Variants in VPS13A observed in about 807,000 individuals in gnomAD.
VPS13A encodes vacuolar protein sorting 13 homolog A, also known as intermembrane lipid transfer protein VPS13A.
A neutral mutation model predicts 390.9 loss-of-function variants in VPS13A; 264 were observed. That is an observed-to-expected ratio of 0.68 (90% CI 0.61 to 0.75). The LOEUF (loss-of-function observed/expected upper bound fraction) is 0.75, where lower values mean the gene tolerates loss of function less well. Among genes scored for constraint, VPS13A ranks in the 30% least tolerant of loss-of-function variants. The pLI, the probability that VPS13A is intolerant of heterozygous loss-of-function variation, is 0.00. For missense variants in VPS13A, 3,409 were observed against 3,733.9 expected, an observed-to-expected ratio of 0.91 and a Z score of 2.27; for synonymous variants, 1,231 against 1,227.1, an observed-to-expected ratio of 1.00 and a Z score of -0.07.
chr9:77,352,900 T>A (rs1007016800), intron 53 of VPS13A, among the ~76,000 whole-genome samples: 4 of 152,112 alleles, frequency 2.6e-5, no homozygotes. Flanking sequence ...TCATTGACCC[T>A]CAAAACCCTG....
intron 31 of VPS13A, among the ~76,000 whole-genome samples, chr9:77,287,442 C>T (rs994033630): frequency 6.6e-6 from 1 of 152,014 alleles, no homozygotes; most frequent in Admixed American, 6.6e-5. Context: ...ATCTACCTGC[C>T]TCGGTCTCCC....
chr9:77,366,742 T>A lies in VPS13A; in HGVS notation c.8341T>A (p.Ser2781Thr), dbSNP rs750690310. 9.9e-6 allele frequency: 16 copies of A among 1,612,666 alleles called. No homozygotes were observed. The Admixed American group carries it at 2.3e-4, about 24-fold the overall frequency. The change falls in exon 61 of 72, where the codon TCA (serine) becomes ACA (threonine). Residue 2781 changes from serine to threonine, a missense_variant. Physicochemically the swap from Ser to Thr is moderately conservative, Grantham distance 58. Coordinates refer to ENST00000360280, the MANE Select transcript of VPS13A (RefSeq NM_033305.3). ...ISPIKLHLSV[S>T]LSSGREEAKD... ...ATCTTTTTAGTTACATTTAAGTGTT[T>A]CACTGAGTTCCGGCAGAGAAGAAGC...
Position 77,332,054 on chromosome 9 carries a change from T to A in VPS13A, c.6036T>A (p.Asp2012Glu). Reference protein sequence around the residue: ...FSVPLSVYEGDTLLGTASPEN... With the variant: ...FSVPLSVYEGETLLGTASPEN... ...TCCCACTGTCTGTTTACGAAGGGGATACCTTATTGGGAACTGCCTCACCTG... is the reference window on the plus strand; with the variant it reads ...TCCCACTGTCTGTTTACGAAGGGGAAACCTTATTGGGAACTGCCTCACCTG... Residue 2012 changes from aspartate (D) to glutamate (E), a missense_variant, in exon 46 of 72, where the codon GAT (aspartate) becomes GAA (glutamate). Transcript: ENST00000360280. The A allele has an allele frequency of 6.2e-7, 1 of 1,612,306 alleles. No individual in the cohort carries two copies. The highest frequency in any genetic ancestry group is 1.1e-5 in the South Asian group (1 of 90,966).
At chr9:77,385,074 G>A (rs1453537314) in intron 68 of VPS13A, 3 of 996,772 alleles carry the variant, frequency 3.0e-6, no homozygotes, top group African/African-American at 1.8e-5. Context: ...TTAATGTAAT[G>A]CCACTGTGTA....
intron 35 of VPS13A, among the ~76,000 whole-genome samples, chr9:77,311,187 G>A (rs374470576): frequency 1.4e-4 from 22 of 152,076 alleles, no homozygotes; most frequent in African/African-American, 4.6e-4. Context: ...GTCTCCCAAA[G>A]TGCTGGGATT....
At chr9:77,190,353 G>A (rs899478753) in intron 1 of VPS13A, among the ~76,000 whole-genome samples, 3 of 152,050 alleles carry the variant, frequency 2.0e-5, no homozygotes, top group Non-Finnish European at 4.4e-5. Context: ...ATGATCATGT[G>A]GTTTTTGTTT....
intron 68 of VPS13A, chr9:77,382,618 C>A: frequency 9.7e-7 from 1 of 1,030,564 alleles, no homozygotes; most frequent in African/African-American, 1.7e-5. Context: ...TCCTTATATC[C>A]AATTACACAT....
intron 14 of VPS13A, 83 bp downstream of exon 14, chr9:77,226,071 GT>G: frequency 7.9e-7 from 1 of 1,264,956 alleles, no homozygotes; most frequent in Middle Eastern, 1.9e-4. Flanking sequence ...ATCTTATACT[GT>G]AACATATTGT....
intron 67 of VPS13A, among the ~76,000 whole-genome samples, chr9:77,381,772 A>G (rs1833452428): frequency 6.6e-6 from 1 of 151,942 alleles, no homozygotes; most frequent in African/African-American, 2.4e-5. Context: ...TATCACAAAG[A>G]AAGTTCTAGA....
In VPS13A at chr9:77,199,947, G is replaced by A. The variant is rs770319746; in HGVS notation, c.103G>A (p.Ala35Thr). ...ATCTTTTTTTTAATCTTTTTTAGGA[G>A]CTGTGGCCCTCAAGAATCTTCAAAT... is the stretch of plus-strand genomic sequence containing the variant. ...SQLSLGIWKG[A>T]VALKNLQIKE... The change falls in exon 2 of 72, where the codon GCT becomes ACT. Residue 35 changes from alanine (A) to threonine (T), a missense_variant and splice_region_variant. Ala to Thr is a moderately conservative substitution (Grantham distance 58). Around this residue, in one of 5 missense-constraint regions of VPS13A, gnomAD observed 2,717 missense variants for 2,917.4 expected, o/e 0.93. Transcript: ENST00000360280. 2 of 1,604,082 alleles carry A rather than the reference G, an allele frequency of 1.2e-6. No homozygotes were observed. The highest frequency in any genetic ancestry group is 1.7e-5 in the Admixed American group (1 of 58,668).
In VPS13A at chr9:77,339,639, G is replaced by A. The variant is rs760097877; in HGVS notation, c.6502G>A (p.Glu2168Lys). The A allele has an allele frequency of 6.2e-7, 1 of 1,613,850 alleles. No homozygotes were observed. The highest frequency in any genetic ancestry group is 1.7e-5 in the Admixed American group (1 of 59,972). Reference protein sequence around the residue: ...LDYLNHDWKSEYHIKPNQQDI... With the variant: ...LDYLNHDWKSKYHIKPNQQDI... ...CTATCTCAATCACGATTGGAAAAGT[G>A]AATATCACATAAAGCCTAATCAGCA... Residue 2168 changes from glutamate to lysine, a missense_variant, in exon 48 of 72, where the codon GAA (glutamate) becomes AAA (lysine). Glu to Lys is a moderately conservative substitution (Grantham distance 56). This residue lies in a region of VPS13A where 2,717 missense variants were observed against 2,917.4 expected (regional missense o/e 0.93). Coordinates refer to ENST00000360280, the MANE Select transcript of VPS13A (RefSeq NM_033305.3).
intron 71 of VPS13A, among the ~76,000 whole-genome samples, chr9:77,409,214 A>G (rs920970193): frequency 3.3e-5 from 5 of 152,250 alleles, no homozygotes; most frequent in African/African-American, 4.8e-5. Context: ...GCAAACTCCA[A>G]CAGACCTGCA....
chr9:77,226,250 A>G (rs1041791469), intron 14 of VPS13A, among the ~76,000 whole-genome samples: 1 of 152,136 alleles, frequency 6.6e-6, no homozygotes, highest in Admixed American at 6.5e-5. Context: ...TTTTTTTTCA[A>G]TCATCATTTC....
intron 10 of VPS13A, among the ~76,000 whole-genome samples, chr9:77,218,607 A>G (rs1822997930): frequency 6.6e-6 from 1 of 150,588 alleles, no homozygotes; most frequent in African/African-American, 2.4e-5. Flanking sequence ...CAGATAGACT[A>G]GGGTTCAATA....
chr9:77,393,991 C>T (rs1376475162), intron 68 of VPS13A, among the ~76,000 whole-genome samples: 1 of 152,054 alleles, frequency 6.6e-6, no homozygotes, highest in Non-Finnish European at 1.5e-5. Flanking sequence ...TGGGGACGAT[C>T]TCCTGACCTC....
At chr9:77,275,022 A>G (rs1421549303) in intron 24 of VPS13A, among the ~76,000 whole-genome samples, 4 of 152,144 alleles carry the variant, frequency 2.6e-5, no homozygotes, top group African/African-American at 9.7e-5. Flanking sequence ...ATATATATGT[A>G]TACAAAGTAG....
At chr9:77,375,890 A>G (rs1450038766) in intron 67 of VPS13A, among the ~76,000 whole-genome samples, 1 of 152,226 alleles carries the variant, frequency 6.6e-6, no homozygotes, top group Admixed American at 6.5e-5. Context: ...TACAGCTTAC[A>G]TTCTAGTGGG....
At chr9:77,294,325 G>A (rs759736782) in intron 32 of VPS13A, among the ~76,000 whole-genome samples, 3 of 152,088 alleles carry the variant, frequency 2.0e-5, no homozygotes, top group South Asian at 2.1e-4. Flanking sequence ...TTCTTATTTC[G>A]GCTTTTCTTG....
At chr9:77,198,820 C>T (rs1350632297) in intron 1 of VPS13A, among the ~76,000 whole-genome samples, 5 of 152,054 alleles carry the variant, frequency 3.3e-5, no homozygotes, top group African/African-American at 9.7e-5. Flanking sequence ...TGCACCATCA[C>T]GACCGGCTAA....
Sources: allele counts gnomAD v4.1 joint callset (sites outside exome capture counted in the v4.1 genomes callset), GRCh38; gene constraint gnomAD v4.1.1; regional missense constraint gnomAD v4.1.1; transcripts MANE v1.5; gene names NCBI Gene and HGNC (gene_info 2026-07-23, HGNC 2026-07-21).